The following CCDC171 variants were observed in gnomAD, a reference collection of about 807,000 sequenced individuals.
The protein encoded by CCDC171 is coiled-coil domain containing 171.
CCDC171 carries 177 observed loss-of-function variants against 168.2 expected under a neutral mutation model. The observed-to-expected ratio is 1.05, with a 90% CI of 0.93 to 1.19. The LOEUF (loss-of-function observed/expected upper bound fraction) is 1.19. Among genes scored for constraint, CCDC171 ranks in the 50% most tolerant of loss-of-function variants. CCDC171 has a pLI of 0.00. For missense variants in CCDC171, 1,991 were observed against 1,539.0 expected (o/e 1.29, Z -4.91); for synonymous variants, 687 against 540.8 (o/e 1.27, Z -3.75).
chr9:15,588,163 C>T (rs199776089), intron 4 of CCDC171, among the ~76,000 whole-genome samples: 17 of 151,914 alleles, frequency 1.1e-4, no homozygotes, highest in Non-Finnish European at 2.2e-4. Context: ...TGAACCTGGG[C>T]GGCAGAGGTT....
intron 4 of CCDC171, 110 bp downstream of exon 4, chr9:15,579,133 G>A (rs767562269): frequency 1.9e-5 from 16 of 826,734 alleles, no homozygotes; most frequent in Non-Finnish European, 2.5e-5. Context: ...ATTCTGATTC[G>A]TTGACTGACT....
At chr9:16,017,974 A>G (rs534320035) in intron 3 of CCDC171, among the ~76,000 whole-genome samples, 6 of 152,336 alleles carry the variant, frequency 3.9e-5, no homozygotes, top group Admixed American at 1.3e-4. Context: ...GGTGGAAATG[A>G]CAGAAGCAGC....
At chr9:15,609,523 A>T (rs1025692164) in intron 6 of CCDC171, among the ~76,000 whole-genome samples, 4 of 152,182 alleles carry the variant, frequency 2.6e-5, no homozygotes, top group African/African-American at 9.7e-5. Context: ...ATGAGATGGG[A>T]TCTAATTTTG....
intron 25 of CCDC171, among the ~76,000 whole-genome samples, chr9:15,937,820 C>G (rs1344141502): frequency 1.3e-5 from 2 of 151,914 alleles, no homozygotes; most frequent in Non-Finnish European, 2.9e-5. Context: ...TCTTTTTCTA[C>G]TGGGTAAACT....
chr9:15,583,595 A>C (rs2131321665), intron 4 of CCDC171, among the ~76,000 whole-genome samples: 1 of 152,246 alleles, frequency 6.6e-6, no homozygotes, highest in African/African-American at 2.4e-5. Flanking sequence ...GCAAAGGCAT[A>C]AGAATGATAT....
In CCDC171 at chr9:15,902,071, C is replaced by G. The variant is rs75192928; in HGVS notation, c.3601-18199C>G. Reference sequence around the variant, plus strand: ...ATGGCAAGTGGCTAACAGAAACATTCTAGCTAGAAGATATTAAACACATAC... The same window carrying G: ...ATGGCAAGTGGCTAACAGAAACATTGTAGCTAGAAGATATTAAACACATAC... On this transcript the variant is annotated intron_variant, in intron 24 of 25. Transcript: ENST00000380701. Among the ~76,000 whole-genome samples the G allele has an allele frequency of 6.5e-4, 99 of 152,146 alleles. No homozygotes were observed. The East Asian group carries it at 0.018, about 27-fold the overall frequency.
chr9:15,686,400 A>C (rs1037814625), intron 10 of CCDC171, among the ~76,000 whole-genome samples: 9 of 152,176 alleles, frequency 5.9e-5, no homozygotes, highest in Non-Finnish European at 1.3e-4. Flanking sequence ...TTTGATGATC[A>C]TTAAAGATAA....
intron 8 of CCDC171, among the ~76,000 whole-genome samples, chr9:15,660,498 G>A (rs1366897698): frequency 6.6e-6 from 1 of 152,078 alleles, no homozygotes; most frequent in Non-Finnish European, 1.5e-5. Context: ...GTAGTCCCCA[G>A]TGTGTATTGC....
chr9:15,731,691 G>T (rs1160638706), intron 16 of CCDC171, among the ~76,000 whole-genome samples: 3 of 152,012 alleles, frequency 2.0e-5, no homozygotes, highest in Non-Finnish European at 2.9e-5. Context: ...GTCAACATAT[G>T]GTTTTATTTC....
chr9:15,695,445 G>C lies in CCDC171; in HGVS notation c.1318+108G>C. On this transcript the variant is annotated intron_variant, in intron 11 of 25. Transcript: ENST00000380701. ...GTAGTCCCTCATCTCAACATGTTTT[G>C]ATTTGATGACATGATAAGAGCAGTT... 6 of 828,262 alleles carry C rather than the reference G, an allele frequency of 7.2e-6. No homozygotes were observed. In the Admixed American group the frequency reaches 1.1e-4, roughly 15 times the overall value. The allele number at this position is 828,262 out of a possible 1,614,324, so 51.3% of individuals were successfully genotyped here.
In CCDC171 at chr9:15,790,024, G is replaced by A. The variant is rs140321462; in HGVS notation, c.3267+5330G>A. Among the ~76,000 whole-genome samples, 1,048 of 152,140 alleles carry A rather than the reference G, an allele frequency of 6.9e-3. 9 individuals carry two copies. The highest frequency in any genetic ancestry group is 0.024 in the African/African-American group (990 of 41,508). Reference sequence around the variant, plus strand: ...CATGGTTGGACATTTGGGTTGGTTCGAAGTCTTTGCTATTGTGAATAGTGC... The same window carrying A: ...CATGGTTGGACATTTGGGTTGGTTCAAAGTCTTTGCTATTGTGAATAGTGC... On this transcript the variant is annotated intron_variant, in intron 21 of 25. Coordinates refer to ENST00000380701, the MANE Select transcript of CCDC171 (RefSeq NM_173550.4).
intron 24 of CCDC171, 54 bp downstream of exon 24, chr9:15,874,717 C>T (rs958543939): frequency 6.2e-6 from 9 of 1,442,822 alleles, no homozygotes; most frequent in Non-Finnish European, 8.3e-6. Flanking sequence ...AAATAAATTG[C>T]ACTAACTGGA....
chr9:15,661,800 T>C lies in CCDC171; in HGVS notation c.916-4363T>C, dbSNP rs188257091. Among the ~76,000 whole-genome samples the C allele has an allele frequency of 3.9e-5, 6 of 152,348 alleles. No homozygotes were observed. In the South Asian group the frequency reaches 6.2e-4, roughly 16 times the overall value. On this transcript the variant is annotated intron_variant, in intron 8 of 25. Coordinates refer to ENST00000380701, the MANE Select transcript of CCDC171 (RefSeq NM_173550.4). ...TTGGTTTACCATTTGTGATTGAGTG[T>C]GCTTATTTTCTAAAAGAAGGTAGCA... is the stretch of plus-strand genomic sequence containing the variant.
At chr9:15,865,358 C>T (rs910801924) in intron 23 of CCDC171, among the ~76,000 whole-genome samples, 2 of 147,042 alleles carry the variant, frequency 1.4e-5, no homozygotes, top group Admixed American at 1.4e-4. Context: ...TACACACACA[C>T]ATATATATAT....
intron 11 of CCDC171, among the ~76,000 whole-genome samples, chr9:15,708,983 A>C (rs1311383157): frequency 6.6e-6 from 1 of 152,180 alleles, no homozygotes; most frequent in Non-Finnish European, 1.5e-5. Flanking sequence ...TTAAAAATTA[A>C]GGAAAACTAA....
chr9:15,883,523 A>T lies in CCDC171; in HGVS notation c.3600+8860A>T, dbSNP rs189804325. Among the ~76,000 whole-genome samples, 281 of 152,318 alleles carry T rather than the reference A, an allele frequency of 1.8e-3. 4 individuals carry two copies. Among genetic ancestry groups the T allele is most frequent in the Admixed American group, 0.017 (259 of 15,304 alleles). On this transcript the variant is annotated intron_variant, in intron 24 of 25. Coordinates refer to ENST00000380701, the MANE Select transcript of CCDC171 (RefSeq NM_173550.4). ...TTAATACTAGCAGATGAGATATCTT[A>T]CATCTTGCATCCTGGGTTGTATTTC...
At chr9:15,555,361 G>C (rs1304555992) in intron 1 of CCDC171, among the ~76,000 whole-genome samples, 1 of 152,166 alleles carries the variant, frequency 6.6e-6, no homozygotes, top group Non-Finnish European at 1.5e-5. Context: ...GGATGGCCTG[G>C]TTTTGGTCCA....
intron 8 of CCDC171, among the ~76,000 whole-genome samples, chr9:15,663,082 T>C (rs189988528): frequency 3.9e-5 from 6 of 152,354 alleles, no homozygotes; most frequent in Non-Finnish European, 7.3e-5. Flanking sequence ...GTTGACATTA[T>C]TATTATTCAC....
chr9:15,873,600 A>G (rs557708740), intron 23 of CCDC171, among the ~76,000 whole-genome samples: 2 of 152,226 alleles, frequency 1.3e-5, no homozygotes, highest in African/African-American at 4.8e-5. Flanking sequence ...GAAAACTCCT[A>G]TTATTAAACT....
Sources: gnomAD v4.1 joint callset for allele counts (sites outside exome capture counted in the v4.1 genomes callset) on GRCh38, gnomAD v4.1.1 for gene constraint, MANE v1.5 for transcripts, NCBI Gene and HGNC (gene_info 2026-07-23, HGNC 2026-07-21) for gene names.